The following DDX60L variants were observed in gnomAD, a reference collection of about 807,000 sequenced individuals.
The protein encoded by DDX60L is DExD/H-box 60 like, also known as probable ATP-dependent RNA helicase DDX60-like.
Under a neutral mutation model 211.6 loss-of-function variants are expected in DDX60L, and 191 were observed. The observed-to-expected ratio is 0.90, with a 90% CI of 0.80 to 1.02. The LOEUF (loss-of-function observed/expected upper bound fraction) is 1.02, where lower values mean the gene tolerates loss of function less well. Ranked by LOEUF, DDX60L falls within the 50% of genes least tolerant of loss-of-function variation. The pLI, the probability that DDX60L is intolerant of heterozygous loss-of-function variation, is 0.00. For synonymous variants in DDX60L, 706 were observed against 694.1 expected, an observed-to-expected ratio of 1.02 and a Z score of -0.27; for missense variants, 2,007 against 1,984.1, an observed-to-expected ratio of 1.01 and a Z score of -0.22.
intron 29 of DDX60L, among the ~76,000 whole-genome samples, chr4:168,386,246 C>T (rs968684419): frequency 6.6e-6 from 1 of 152,100 alleles, no homozygotes; most frequent in Non-Finnish European, 1.5e-5. Flanking sequence ...TTGGCACCAC[C>T]AACAGCAACT....
intron 26 of DDX60L, among the ~76,000 whole-genome samples, chr4:168,400,029 C>T (rs1008003610): frequency 2.6e-5 from 4 of 152,056 alleles, no homozygotes; most frequent in Admixed American, 1.3e-4. Context: ...CCTCCACCCT[C>T]GGATAGGCCC....
chr4:168,425,847 A>G (rs1018714706), intron 14 of DDX60L, among the ~76,000 whole-genome samples: 1 of 152,216 alleles, frequency 6.6e-6, no homozygotes, highest in Non-Finnish European at 1.5e-5. Context: ...ACAAGTCAAT[A>G]TTCAGGAAAC....
At chr4:168,424,423 C>T (rs1403961104) in intron 14 of DDX60L, among the ~76,000 whole-genome samples, 1 of 152,182 alleles carries the variant, frequency 6.6e-6, no homozygotes, top group Non-Finnish European at 1.5e-5. Context: ...CCTCTTTCCT[C>T]TTTGTTAAGA....
chr4:168,466,273 C>T (rs894248606), intron 4 of DDX60L, among the ~76,000 whole-genome samples: 1 of 151,410 alleles, frequency 6.6e-6, no homozygotes, highest in East Asian at 1.9e-4. Context: ...TCTTTGAAAA[C>T]ATCAGCAAAA....
At chr4:168,434,611 A>G (rs1430179156) in intron 10 of DDX60L, among the ~76,000 whole-genome samples, 2 of 152,256 alleles carry the variant, frequency 1.3e-5, no homozygotes, top group African/African-American at 2.4e-5. Context: ...ATCACTAAAG[A>G]TAAAGTAGTT....
At position 168,384,783 on chromosome 4, in the gene DDX60L, T is replaced by TC; in HGVS notation, c.3944_3945insG (p.Asp1316ArgfsTer10). 6.2e-7 allele frequency: 1 copy of TC among 1,613,528 alleles called. No homozygotes were observed. Among genetic ancestry groups the TC allele is most frequent in the Non-Finnish European group, 8.5e-7 (1 of 1,179,734 alleles). ...AGAAATACACATTTCCAAGCAGGTC[T>TC]TGACCTCTTCTTCCAGCACGACCAG... is the stretch of plus-strand genomic sequence containing the variant. On this transcript the variant is annotated frameshift_variant, in exon 30 of 38. Transcript: ENST00000682922. LOFTEE classifies it high-confidence loss of function.
chr4:168,435,824 G>C (rs935530708), intron 10 of DDX60L, among the ~76,000 whole-genome samples: 3 of 152,100 alleles, frequency 2.0e-5, no homozygotes, highest in African/African-American at 7.2e-5. Flanking sequence ...TAGTGAATAA[G>C]AAGTAGACAC....
Position 168,401,000 on chromosome 4 carries a change from G to T in DDX60L, c.3339-22C>A, listed in dbSNP as rs201933627. 1,671 of 1,600,588 alleles carry T rather than the reference G, an allele frequency of 1.0e-3. 1 individual carries two copies. Among genetic ancestry groups the T allele is most frequent in the Non-Finnish European group, 1.4e-3 (1,587 of 1,174,282 alleles). ...AAACCTTAAAACAAATGAAAACAGT[G>T]CTTTGAAAAGACTATGTTTCTATCC... On this transcript the variant is annotated intron_variant, in intron 25 of 37. Transcript: ENST00000682922.
chr4:168,454,452 C>T (rs565898389), intron 7 of DDX60L, among the ~76,000 whole-genome samples: 1 of 152,276 alleles, frequency 6.6e-6, no homozygotes, highest in East Asian at 1.9e-4. Flanking sequence ...AGTACACTTT[C>T]TCATAGGGTT....
intron 8 of DDX60L, among the ~76,000 whole-genome samples, chr4:168,450,670 C>T (rs553612151): frequency 1.3e-5 from 2 of 152,334 alleles, no homozygotes; most frequent in African/African-American, 2.4e-5. Context: ...AATCCCAACA[C>T]TTTGTGAGGC....
chr4:168,396,558 T>C (rs563349262), intron 26 of DDX60L, among the ~76,000 whole-genome samples: 20 of 152,090 alleles, frequency 1.3e-4, no homozygotes, highest in African/African-American at 4.6e-4. Flanking sequence ...GTAATTTAAA[T>C]ATCCATGCTG....
In DDX60L at chr4:168,404,094, G is replaced by C. The variant is rs1455788144; in HGVS notation, c.3226C>G (p.Leu1076Val). 8 of 1,376,656 alleles carry C rather than the reference G, an allele frequency of 5.8e-6. No individual in the cohort carries two copies. In the East Asian group the frequency reaches 2.3e-4, roughly 40 times the overall value. The allele number at this position is 1,376,656 out of a possible 1,614,324, so 85.3% of individuals were successfully genotyped here. A position where few individuals can be genotyped will look rare whatever the true frequency, so the allele number is the denominator to read the frequency against. The stretch of plus-strand genomic sequence containing the variant: ...AATGAATCCGGACTAAGGTTCTTCA[G>C]TACTCTTTTGACCTACAACAGTAAG... ...NGQVKKVKRVLKNLSPDSLSS... is the reference protein window; with the variant it reads ...NGQVKKVKRVVKNLSPDSLSS... The change falls in exon 25 of 38, where the codon CTG (leucine) becomes GTG (valine). Residue 1076 changes from leucine (L) to valine (V), a missense_variant. By Grantham distance (32) the Leu-to-Val change is conservative. Transcript: ENST00000682922.
At chr4:168,420,473 CA>C in intron 17 of DDX60L, 93 bp from the exon 18 acceptor site, 1 of 102,772 alleles carries the variant, frequency 9.7e-6, no homozygotes, top group Non-Finnish European at 1.8e-5. Flanking sequence ...TACACACACA[CA>C]CACACACACA....
In DDX60L at chr4:168,406,606, G is replaced by T. The variant is rs1747790750; in HGVS notation, c.3080C>A (p.Ala1027Asp). 1 of 1,587,764 alleles carries T rather than the reference G, an allele frequency of 6.3e-7. No individual in the cohort carries two copies. The highest frequency in any genetic ancestry group is 8.6e-7 in the Non-Finnish European group (1 of 1,164,806). The change falls in exon 23 of 38, where the codon GCT becomes GAT. Residue 1027 changes from alanine to aspartate, a missense_variant. Ala to Asp is a moderately radical substitution (Grantham distance 126). Transcript: ENST00000682922. ...AATATATATTTCTATATTTACCTGA[G>T]CCCTGGGCCAAGTTTCCCAGACTTG... ...MAQVWETWPR[A>D]QELCPEEFIL...
chr4:168,361,042 T>C (rs768470270), intron 37 of DDX60L, 107 bp downstream of exon 37: 3 of 835,316 alleles, frequency 3.6e-6, no homozygotes, highest in Non-Finnish European at 5.9e-6. Context: ...AATAGTATCT[T>C]CAGAGTGCTC....
Position 168,472,701 on chromosome 4 carries a change from G to A in DDX60L, c.-2C>T, listed in dbSNP as rs779282043. The A allele has an allele frequency of 1.7e-5, 28 of 1,613,224 alleles. No individual in the cohort carries two copies. Among genetic ancestry groups the A allele is most frequent in the Middle Eastern group, 3.3e-4 (2 of 6,078 alleles). ...TATCAAAGATTGAGAATTACCCATC[G>A]TTGCTGCTTCTTGGGCTACAGGGTA... On this transcript the variant is annotated 5_prime_UTR_variant, in exon 2 of 38. The change creates a new upstream start codon in the 5' untranslated region. Transcript: ENST00000682922.
chr4:168,466,747 TA>T (rs1468471600), intron 4 of DDX60L, among the ~76,000 whole-genome samples: 1 of 152,186 alleles, frequency 6.6e-6, no homozygotes, highest in Non-Finnish European at 1.5e-5. Flanking sequence ...AGTTTATGTT[TA>T]AAAACTGGTT....
intron 18 of DDX60L, among the ~76,000 whole-genome samples, chr4:168,420,048 G>T (rs1048820224): frequency 1.3e-5 from 2 of 152,106 alleles, no homozygotes; most frequent in Non-Finnish European, 2.9e-5. Context: ...TGAAATTTCA[G>T]TTCACAATGT....
intron 23 of DDX60L, 63 bp downstream of exon 23, chr4:168,406,539 T>G: frequency 1.7e-6 from 2 of 1,172,590 alleles, no homozygotes; most frequent in Non-Finnish European, 2.5e-6. Flanking sequence ...AGAGTAATTT[T>G]GCTATATTCT....
Sources: allele counts gnomAD v4.1 joint callset (sites outside exome capture counted in the v4.1 genomes callset), GRCh38; gene constraint gnomAD v4.1.1; transcripts MANE v1.5; gene names NCBI Gene and HGNC (gene_info 2026-07-23, HGNC 2026-07-21).